The following DPYD variants were observed in gnomAD, a reference collection of about 807,000 sequenced individuals.
The protein encoded by DPYD is dihydropyrimidine dehydrogenase [NADP(+)].
Under a neutral mutation model 116.2 loss-of-function variants are expected in DPYD, and 109 were observed. The observed-to-expected ratio is 0.94, with a 90% CI of 0.80 to 1.10. The LOEUF is 1.10. DPYD is among the 50% of genes least tolerant of loss of function. DPYD has a pLI of 0.00. For missense variants in DPYD, 1,302 were observed against 1,254.5 expected, an observed-to-expected ratio of 1.04 and a Z score of -0.57; for synonymous variants, 440 against 432.0, an observed-to-expected ratio of 1.02 and a Z score of -0.23.
intron 14 of DPYD, among the ~76,000 whole-genome samples, chr1:97,429,023 G>A (rs973434739): frequency 6.6e-6 from 1 of 151,982 alleles, no homozygotes; most frequent in African/African-American, 2.4e-5. Context: ...AGCTTAAGTA[G>A]TAAAATAGTG....
chr1:97,874,665 G>A (rs946755542), intron 2 of DPYD, among the ~76,000 whole-genome samples: 1 of 151,792 alleles, frequency 6.6e-6, no homozygotes, highest in Non-Finnish European at 1.5e-5. Flanking sequence ...GCAGTTACTA[G>A]GACTATTGTT....
At chr1:97,269,243 C>T (rs1664423453) in intron 18 of DPYD, among the ~76,000 whole-genome samples, 1 of 152,138 alleles carries the variant, frequency 6.6e-6, no homozygotes, top group Non-Finnish European at 1.5e-5. Flanking sequence ...ATGCCCCTTA[C>T]CATCCACATT....
At chr1:97,814,928 G>GGAAACAA (rs56855431) in intron 3 of DPYD, among the ~76,000 whole-genome samples, 1 of 110,472 alleles carries the variant, frequency 9.1e-6, no homozygotes, top group African/African-American at 3.2e-5. Context: ...AAAAGAAAGA[G>GGAAACAA]AGAGGAAAGA....
At chr1:97,706,141 A>G (rs1661937229) in intron 5 of DPYD, among the ~76,000 whole-genome samples, 1 of 152,070 alleles carries the variant, frequency 6.6e-6, no homozygotes, top group Non-Finnish European at 1.5e-5. Context: ...TTAATATATT[A>G]AATTCATACA....
At position 97,597,125 on chromosome 1, in the gene DPYD, G is replaced by T. The variant is rs181697292; in HGVS notation, c.851-1959C>A. Among the ~76,000 whole-genome samples the T allele has an allele frequency of 8.1e-4, 124 of 152,292 alleles. 1 individual carries two copies. The highest frequency in any genetic ancestry group is 1.8e-4 in the Non-Finnish European group (12 of 68,016). On this transcript the variant is annotated intron_variant, in intron 8 of 22. Coordinates refer to ENST00000370192, the MANE Select transcript of DPYD (RefSeq NM_000110.4). ...CTTGAAGGCTCTCTAATGACAAAAT[G>T]ATTTCTTCTGAAACCTGTTAAAAGA...
chr1:97,699,335 T>A lies in DPYD; in HGVS notation c.680+16A>T, dbSNP rs1342528467. On this transcript the variant is annotated intron_variant, in intron 6 of 22. Transcript: ENST00000370192. ...CATTTCTGACACTATAAACATGAAATAAATGTAGGCATTACCTTAAACCAC... is the reference window on the plus strand; with the variant it reads ...CATTTCTGACACTATAAACATGAAAAAAATGTAGGCATTACCTTAAACCAC... The A allele has an allele frequency of 1.2e-6, 2 of 1,609,034 alleles. No homozygotes were observed. Among genetic ancestry groups the A allele is most frequent in the African/African-American group, 2.7e-5 (2 of 74,764 alleles).
chr1:97,464,274 AAAATAAAAT>A (rs1466751383), intron 13 of DPYD, among the ~76,000 whole-genome samples: 32 of 131,976 alleles, frequency 2.4e-4, no homozygotes, highest in Admixed American at 6.0e-4. Context: ...AAAATAAAAT[AAAATAAAAT>A]AAAGAAAAGA....
chr1:97,328,079 C>G (rs192258340), intron 16 of DPYD, among the ~76,000 whole-genome samples: 203 of 152,168 alleles, frequency 1.3e-3, no homozygotes, highest in African/African-American at 4.8e-3. Flanking sequence ...CGATACCCAT[C>G]CACAATTGGT....
At chr1:97,705,724 G>A (rs1571221473) in intron 5 of DPYD, among the ~76,000 whole-genome samples, 1 of 152,098 alleles carries the variant, frequency 6.6e-6, no homozygotes, top group South Asian at 2.1e-4. Flanking sequence ...CTTCCACAAT[G>A]GTTGAACTAG....
chr1:97,804,471 AAAAT>A (rs1043978695), intron 3 of DPYD, among the ~76,000 whole-genome samples: 1 of 151,856 alleles, frequency 6.6e-6, no homozygotes, highest in African/African-American at 2.4e-5. Flanking sequence ...TTCATTAAGA[AAAAT>A]AAATGAAAAC....
At chr1:97,475,010 A>C (rs1021666229) in intron 13 of DPYD, among the ~76,000 whole-genome samples, 1 of 152,132 alleles carries the variant, frequency 6.6e-6, no homozygotes, top group African/African-American at 2.4e-5. Context: ...AAATGTAATA[A>C]AGGTTAATAA....
chr1:97,920,880 G>A lies in DPYD; in HGVS notation c.39+4C>T, dbSNP rs1439572087. On this transcript the variant is annotated splice_donor_region_variant and intron_variant, in intron 1 of 22. Coordinates refer to ENST00000370192, the MANE Select transcript of DPYD (RefSeq NM_000110.4). ...CCACCGACGAGCCGGCGCGAAGTCC[G>A]TACCTCGATGTCCGCCGAGTCCTTA... 1 of 1,591,958 alleles carries A rather than the reference G, an allele frequency of 6.3e-7. No individual in the cohort carries two copies. The highest frequency in any genetic ancestry group is 8.5e-7 in the Non-Finnish European group (1 of 1,169,706).
chr1:97,155,176 G>C (rs1012126781), intron 20 of DPYD, among the ~76,000 whole-genome samples: 3 of 152,152 alleles, frequency 2.0e-5, no homozygotes, highest in African/African-American at 7.2e-5. Context: ...TAAATATGTG[G>C]AATGTGTGTT....
At chr1:97,912,276 C>G (rs563792181) in intron 1 of DPYD, among the ~76,000 whole-genome samples, 60 of 151,842 alleles carry the variant, frequency 4.0e-4, no homozygotes, top group Non-Finnish European at 7.7e-4. Flanking sequence ...ATGCTTTAAG[C>G]AAATAAAAAA....
At chr1:97,664,440 C>T (rs1659442593) in intron 8 of DPYD, among the ~76,000 whole-genome samples, 1 of 151,448 alleles carries the variant, frequency 6.6e-6, no homozygotes, top group South Asian at 2.1e-4. Context: ...TAAACTATAG[C>T]TTAAAGTACT....
At chr1:97,529,698 TTTC>T (rs140957248) in intron 12 of DPYD, among the ~76,000 whole-genome samples, 9,097 of 151,694 alleles carry the variant, frequency 0.06, 317 homozygotes, top group Middle Eastern at 0.16. Context: ...CTTTCTTTCC[TTTC>T]TTTTTTCTTT....
intron 20 of DPYD, among the ~76,000 whole-genome samples, chr1:97,143,112 T>C (rs1302660011): frequency 6.6e-6 from 1 of 151,984 alleles, no homozygotes; most frequent in African/African-American, 2.4e-5. Context: ...TATATTTAGA[T>C]ATAGCAAGGT....
chr1:97,910,961 T>A (rs1673904115), intron 1 of DPYD, among the ~76,000 whole-genome samples: 1 of 152,096 alleles, frequency 6.6e-6, no homozygotes, highest in Admixed American at 6.5e-5. Flanking sequence ...AATAATTTGT[T>A]TAAAATAAAA....
chr1:97,836,247 T>A lies in DPYD; in HGVS notation c.151-8051A>T, dbSNP rs75868014. ...TTCCTCTGTCTCAATTTTGGATGGTTAATTTTTTCATCTATGTTTATAGGA... is the reference window on the plus strand; with the variant it reads ...TTCCTCTGTCTCAATTTTGGATGGTAAATTTTTTCATCTATGTTTATAGGA... On this transcript the variant is annotated intron_variant, in intron 2 of 22. Coordinates refer to ENST00000370192, the MANE Select transcript of DPYD (RefSeq NM_000110.4). Among the ~76,000 whole-genome samples the A allele has an allele frequency of 7.0e-3, 1,072 of 152,284 alleles. 9 individuals are homozygous for A. Among genetic ancestry groups the A allele is most frequent in the South Asian group, 0.036 (172 of 4,826 alleles).
Sources: gnomAD v4.1 joint callset for allele counts (sites outside exome capture counted in the v4.1 genomes callset) on GRCh38, gnomAD v4.1.1 for gene constraint, MANE v1.5 for transcripts, NCBI Gene and HGNC (gene_info 2026-07-23, HGNC 2026-07-21) for gene names.